The following TYR variants were observed in gnomAD, a reference collection of about 807,000 sequenced individuals.
The protein encoded by TYR is LB24-AB.
In TYR, 58 loss-of-function variants were observed where a neutral mutation model predicts 51.5. The ratio of observed to expected loss-of-function variants is 1.13; its 90% CI spans 0.91 to 1.40. The LOEUF is 1.40. TYR is among the 40% of genes most tolerant of loss of function. The probability of loss-of-function intolerance (pLI) is 0.00; values close to 1 mark genes in which losing one functional copy is unlikely to be tolerated. For synonymous variants in TYR, 263 were observed against 235.2 expected (o/e 1.12, Z -1.08); for missense variants, 732 against 647.4 (o/e 1.13, Z -1.42).
At chr11:89,179,244 G>T (rs1357705715) in intron 1 of TYR, among the ~76,000 whole-genome samples, 3 of 152,124 alleles carry the variant, frequency 2.0e-5, no homozygotes, top group Admixed American at 6.5e-5. Flanking sequence ...AGACTAATTG[G>T]TCAGAATCTT....
chr11:89,185,858 T>TA (rs1943365587), intron 1 of TYR, among the ~76,000 whole-genome samples: 1 of 152,186 alleles, frequency 6.6e-6, no homozygotes, highest in Admixed American at 6.6e-5. Context: ...CTTTTTGGCT[T>TA]ACGTAGTCAC....
intron 3 of TYR, among the ~76,000 whole-genome samples, chr11:89,257,993 A>G (rs1291983786): frequency 6.6e-6 from 1 of 152,054 alleles, no homozygotes; most frequent in Non-Finnish European, 1.5e-5. Flanking sequence ...TTTTAAAAAA[A>G]TCATGTTCTT....
At chr11:89,225,292 A>C (rs1300680146) in intron 2 of TYR, among the ~76,000 whole-genome samples, 1 of 151,966 alleles carries the variant, frequency 6.6e-6, no homozygotes, top group Non-Finnish European at 1.5e-5. Flanking sequence ...AACATTTAAA[A>C]TCTACTCTCT....
chr11:89,250,946 T>C (rs1025158578), intron 3 of TYR, among the ~76,000 whole-genome samples: 1 of 151,800 alleles, frequency 6.6e-6, no homozygotes, highest in African/African-American at 2.4e-5. Context: ...GCTTTTAAAA[T>C]TGTGATGATA....
intron 2 of TYR, among the ~76,000 whole-genome samples, chr11:89,214,793 C>T (rs1028432205): frequency 6.6e-6 from 1 of 152,044 alleles, no homozygotes; most frequent in Non-Finnish European, 1.5e-5. Context: ...AAATCAAAAG[C>T]CCAGAAATCA....
At chr11:89,247,838 G>C (rs1944285664) in intron 3 of TYR, among the ~76,000 whole-genome samples, 3 of 152,160 alleles carry the variant, frequency 2.0e-5, no homozygotes, top group African/African-American at 7.2e-5. Flanking sequence ...GAAGCAGCAT[G>C]ACTGTAGGAT....
chr11:89,202,648 C>CACACACACACACACACACACAA, intron 2 of TYR, among the ~76,000 whole-genome samples: 1 of 151,894 alleles, frequency 6.6e-6, no homozygotes, highest in African/African-American at 2.4e-5. Flanking sequence ...CACACACACA[C>CACACACACACACACACACACAA]ACTGTATAGC....
At chr11:89,222,971 A>T (rs563700645) in intron 2 of TYR, among the ~76,000 whole-genome samples, 3 of 152,134 alleles carry the variant, frequency 2.0e-5, no homozygotes, top group African/African-American at 7.2e-5. Context: ...CACATTCTGC[A>T]CCTTGCTGTA....
chr11:89,259,093 G>A (rs1213200500), intron 3 of TYR, among the ~76,000 whole-genome samples: 2 of 151,910 alleles, frequency 1.3e-5, no homozygotes, highest in Non-Finnish European at 2.9e-5. Context: ...GGAAGTCTGG[G>A]CATCAGTATT....
chr11:89,268,259 C>T (rs1944549408), intron 3 of TYR, among the ~76,000 whole-genome samples: 1 of 151,864 alleles, frequency 6.6e-6, no homozygotes, highest in African/African-American at 2.4e-5. Context: ...CTCACTACTG[C>T]TACCATACTA....
intron 3 of TYR, among the ~76,000 whole-genome samples, chr11:89,234,931 A>G (rs1483355512): frequency 6.6e-6 from 1 of 152,076 alleles, no homozygotes; most frequent in Non-Finnish European, 1.5e-5. Flanking sequence ...GCCAAACACC[A>G]GGAGTAGATT....
At chr11:89,179,055 T>TA (rs778137656) in intron 1 of TYR, among the ~76,000 whole-genome samples, 2 of 152,210 alleles carry the variant, frequency 1.3e-5, no homozygotes, top group Non-Finnish European at 2.9e-5. Flanking sequence ...ATGGTGCCTT[T>TA]AAAAATGGCA....
At chr11:89,244,620 A>T (rs1168667723) in intron 3 of TYR, among the ~76,000 whole-genome samples, 3 of 152,192 alleles carry the variant, frequency 2.0e-5, no homozygotes, top group African/African-American at 7.2e-5. Flanking sequence ...GGAAAGTAAA[A>T]GGTTGGTGCT....
At chr11:89,196,243 G>A (rs1943517097) in intron 2 of TYR, among the ~76,000 whole-genome samples, 1 of 152,118 alleles carries the variant, frequency 6.6e-6, no homozygotes, top group Non-Finnish European at 1.5e-5. Context: ...AGTGAGTCCT[G>A]AGAAAATATA....
chr11:89,269,687 T>C (rs372856468), intron 3 of TYR, among the ~76,000 whole-genome samples: 1 of 152,068 alleles, frequency 6.6e-6, no homozygotes, highest in African/African-American at 2.4e-5. Context: ...TTGTAGTTAA[T>C]TGAGATCGGC....
chr11:89,191,191 G>A lies in TYR; in HGVS notation c.820-11G>A. 6.2e-7 allele frequency: 1 copy of A among 1,612,822 alleles called. No homozygotes were observed. The highest frequency in any genetic ancestry group is 8.5e-7 in the Non-Finnish European group (1 of 1,179,116). ...GTGACAATTTGTTTAACATGAGGGT[G>A]TTTTGTACAGATTGTCTGTAGCCGA... On this transcript the variant is annotated splice_polypyrimidine_tract_variant and intron_variant, in intron 1 of 4. Coordinates refer to ENST00000263321, the MANE Select transcript of TYR (RefSeq NM_000372.5).
chr11:89,236,235 T>TACACAC lies in TYR; in HGVS notation c.1184+8282_1184+8287dup, dbSNP rs35744603. ...AATTCCATACACACTCACACACACA[T>TACACAC]ACACACACACACACACACACACCAG... is the stretch of plus-strand genomic sequence containing the variant. On this transcript the variant is annotated intron_variant, in intron 3 of 4. Transcript: ENST00000263321. Among the ~76,000 whole-genome samples, 934 of 148,914 alleles carry TACACAC rather than the reference T, an allele frequency of 6.3e-3. 4 individuals carry two copies. Among genetic ancestry groups the TACACAC allele is most frequent in the Middle Eastern group, 0.017 (5 of 288 alleles).
chr11:89,208,201 C>T (rs529703700), intron 2 of TYR, among the ~76,000 whole-genome samples: 177 of 152,264 alleles, frequency 1.2e-3, no homozygotes, highest in African/African-American at 3.9e-3. Flanking sequence ...ATCCAGGAGG[C>T]GGAGCCTGCA....
intron 3 of TYR, among the ~76,000 whole-genome samples, chr11:89,268,838 A>T (rs1444614069): frequency 1.3e-5 from 2 of 151,550 alleles, no homozygotes; most frequent in Non-Finnish European, 2.9e-5. Flanking sequence ...CCCACACCAG[A>T]TCACTTTTAT....
Sources: allele counts gnomAD v4.1 joint callset (sites outside exome capture counted in the v4.1 genomes callset), GRCh38; gene constraint gnomAD v4.1.1; transcripts MANE v1.5; gene names NCBI Gene and HGNC (gene_info 2026-07-23, HGNC 2026-07-21).